Variants in ASAH1 observed in about 807,000 individuals in gnomAD.
ASAH1 encodes the protein N-acylsphingosine amidohydrolase 1, also known as acid ceramidase.
ASAH1 carries 70 observed loss-of-function variants against 59.5 expected under a neutral mutation model. The ratio of observed to expected loss-of-function variants is 1.18; its 90% CI spans 0.97 to 1.43. The LOEUF is 1.43. Among genes scored for constraint, ASAH1 ranks in the 40% most tolerant of loss-of-function variants. ASAH1 has a pLI of 0.00. For synonymous variants in ASAH1, 213 were observed against 166.5 expected (o/e 1.28, Z -2.15); for missense variants, 660 against 482.5 (o/e 1.37, Z -3.45).
Position 18,057,561 on chromosome 8 carries a change from G to A in ASAH1, c.1161C>T (p.Asp387=). The change falls in exon 14 of 14, where the codon GAC becomes GAT. Residue 387 remains aspartate, a synonymous_variant. Coordinates refer to ENST00000637790, the MANE Select transcript of ASAH1 (RefSeq NM_177924.5). ...ACCAACCTATACAAGGGTCAGGGCA[G>A]TCCCGCAGGTAAGTTTCGAATTGAC... ...TKGQFETYLR[D]CPDPCIGW 1 of 1,603,442 alleles carries A rather than the reference G, an allele frequency of 6.2e-7. No homozygotes were observed. The highest frequency in any genetic ancestry group is 1.1e-5 in the South Asian group (1 of 90,980).
At chr8:18,059,893 A>G (rs1341869653) in intron 10 of ASAH1, 190 bp from the exon 11 acceptor site, 4 of 552,402 alleles carry the variant, frequency 7.2e-6, no homozygotes, top group Non-Finnish European at 1.3e-5. Flanking sequence ...CAAGCCCTAC[A>G]TGCATTAGGT....
chr8:18,058,714 A>C, intron 13 of ASAH1, 121 bp downstream of exon 13: 1 of 876,978 alleles, frequency 1.1e-6, no homozygotes, highest in Non-Finnish European at 1.8e-6. Context: ...TTTAATAAAA[A>C]ATCAGTCCTA....
At chr8:18,073,112 G>C in intron 2 of ASAH1, 1 of 794,532 alleles carries the variant, frequency 1.3e-6, no homozygotes, top group South Asian at 1.7e-5. Context: ...TGAGAGAACT[G>C]GTTAATCTAA....
At chr8:18,058,168 G>A (rs771202271) in intron 13 of ASAH1, 26 of 153,206 alleles carry the variant, frequency 1.7e-4, no homozygotes, top group Non-Finnish European at 2.9e-4. Flanking sequence ...TAGGCAAAAC[G>A]CAAGTATGGC....
chr8:18,060,886 C>G (rs1799665805), intron 10 of ASAH1: 1 of 171,038 alleles, frequency 5.8e-6, no homozygotes, highest in Admixed American at 5.8e-5. Context: ...GTAGCTGGGA[C>G]TACAGGCAGG....
intron 1 of ASAH1, among the ~76,000 whole-genome samples, chr8:18,078,519 C>T (rs1323305898): frequency 6.6e-6 from 1 of 152,046 alleles, no homozygotes; most frequent in African/African-American, 2.4e-5. Context: ...ACGCCTAAGT[C>T]GTTTATGCAA....
intron 5 of ASAH1, 98 bp downstream of exon 5, chr8:18,067,100 TGCACCTGTGCTGTATATCTAAG>T: frequency 7.3e-6 from 4 of 548,482 alleles, no homozygotes; most frequent in Middle Eastern, 4.5e-4. Flanking sequence ...CTAAGACCTG[TGCACCTGTGCTGTATATCTAAG>T]ACATACAGCA....
chr8:18,081,076 C>A (rs1589007542), intron 1 of ASAH1, among the ~76,000 whole-genome samples: 1 of 152,126 alleles, frequency 6.6e-6, no homozygotes, highest in Admixed American at 6.5e-5. Context: ...CTCTCTGCCA[C>A]CTGAAATTTA....
intron 4 of ASAH1, chr8:18,068,268 A>T (rs1800014218): frequency 6.6e-6 from 1 of 152,108 alleles, no homozygotes. Context: ...CAGCCTTAAA[A>T]CCCAGTATTG....
chr8:18,078,421 G>A (rs543818811), intron 1 of ASAH1, among the ~76,000 whole-genome samples: 25 of 152,284 alleles, frequency 1.6e-4, no homozygotes, highest in African/African-American at 6.0e-4. Flanking sequence ...CATAGAACCT[G>A]GCTGCAAGGA....
intron 1 of ASAH1, chr8:18,083,181 A>T (rs1181163021): frequency 1.3e-5 from 2 of 152,240 alleles, no homozygotes; most frequent in Non-Finnish European, 2.9e-5. Flanking sequence ...GTTCCTACTT[A>T]TCCGATTCTG....
chr8:18,071,326 C>T lies in ASAH1; in HGVS notation c.190G>A (p.Glu64Lys), dbSNP rs776283716. The change falls in exon 3 of 14, where the codon GAA (glutamate) becomes AAA (lysine). Residue 64 changes from glutamate to lysine, a missense_variant. Coordinates refer to ENST00000637790, the MANE Select transcript of ASAH1 (RefSeq NM_177924.5). ...LDLPPYKRWHELMLDKAPVLK... is the reference protein window; with the variant it reads ...LDLPPYKRWHKLMLDKAPVLK... Reference sequence around the variant, plus strand: ...ACTGGTGCCTTGTCAAGCATCAATTCATGCCATCTTTTGTAGGGTGGTAAG... The same window carrying T: ...ACTGGTGCCTTGTCAAGCATCAATTTATGCCATCTTTTGTAGGGTGGTAAG... 1 of 1,602,206 alleles carries T rather than the reference C, an allele frequency of 6.2e-7. No homozygotes were observed. The highest frequency in any genetic ancestry group is 8.5e-7 in the Non-Finnish European group (1 of 1,171,384).
Position 18,056,659 on chromosome 8 carries a change from TA to T in ASAH1, c.*874del, listed in dbSNP as rs1799482356. 6.6e-6 allele frequency: 1 copy of T among 152,238 alleles called. No individual in the cohort carries two copies. The highest frequency in any genetic ancestry group is 1.5e-5 in the Non-Finnish European group (1 of 68,046). The allele number at this position is 152,238 out of a possible 1,614,324, so 9.4% of individuals were successfully genotyped here. A position where few individuals can be genotyped will look rare whatever the true frequency, so the allele number is the denominator to read the frequency against. On this transcript the variant is annotated 3_prime_UTR_variant, in exon 14 of 14. Coordinates refer to ENST00000637790, the MANE Select transcript of ASAH1 (RefSeq NM_177924.5). The stretch of plus-strand genomic sequence containing the variant: ...ATTTTAGTAACTACTAAAATTTCTT[TA>T]AAACTCCCTATCAATCTGAAGAACA...
chr8:18,081,637 A>G (rs926160142), intron 1 of ASAH1, among the ~76,000 whole-genome samples: 11 of 152,244 alleles, frequency 7.2e-5, no homozygotes, highest in Non-Finnish European at 1.6e-4. Context: ...TCACATAGGA[A>G]TATTGTGAAA....
intron 1 of ASAH1, 147 bp downstream of exon 1, chr8:18,083,834 C>A: frequency 6.7e-7 from 1 of 1,481,794 alleles, no homozygotes; most frequent in Non-Finnish European, 9.0e-7. Context: ...TCTGCACCCA[C>A]ACCCCTGTGC....
At chr8:18,084,375 C>T (rs575885601), upstream of ASAH1, 2 of 1,404,046 alleles carry the variant, frequency 1.4e-6, no homozygotes, top group Admixed American at 5.9e-5. Flanking sequence ...CGAGCCGGAG[C>T]CCCGCCCCGT....
In ASAH1 at chr8:18,056,329, T is replaced by A. The variant is rs997493806; in HGVS notation, c.*1205A>T. On this transcript the variant is annotated 3_prime_UTR_variant, in exon 14 of 14. Coordinates refer to ENST00000637790, the MANE Select transcript of ASAH1 (RefSeq NM_177924.5). ...GTTTAGTCATATTTAATAACCCACT[T>A]ACATAACCCTTGTTATTTAATTCAG... is the stretch of plus-strand genomic sequence containing the variant. 2 of 152,178 alleles carry A rather than the reference T, an allele frequency of 1.3e-5. No individual in the cohort carries two copies. The highest frequency in any genetic ancestry group is 3.8e-4 in the East Asian group (2 of 5,198). The allele number at this position is 152,178 out of a possible 1,614,324, so 9.4% of individuals were successfully genotyped here. A position where few individuals can be genotyped will look rare whatever the true frequency, so the allele number is the denominator to read the frequency against.
At chr8:18,061,579 C>T in intron 9 of ASAH1, 107 bp downstream of exon 9, 2 of 1,456,240 alleles carry the variant, frequency 1.4e-6, no homozygotes. Flanking sequence ...ACTTTGTAAC[C>T]AGTCGGGAAC....
chr8:18,068,172 T>C (rs1173191929), intron 4 of ASAH1: 1 of 152,146 alleles, frequency 6.6e-6, no homozygotes, highest in African/African-American at 2.4e-5. Flanking sequence ...TATATATTAG[T>C]AATTATTATT....
Sources: gnomAD v4.1 joint callset for allele counts (sites outside exome capture counted in the v4.1 genomes callset) on GRCh38, gnomAD v4.1.1 for gene constraint, MANE v1.5 for transcripts, NCBI Gene and HGNC (gene_info 2026-07-23, HGNC 2026-07-21) for gene names.